Variants in GADL1 observed in about 807,000 individuals in gnomAD.
The protein encoded by GADL1 is acidic amino acid decarboxylase GADL1.
GADL1 carries 71 observed loss-of-function variants against 69.5 expected under a neutral mutation model. The observed-to-expected ratio is 1.02, with a 90% CI of 0.84 to 1.25. The LOEUF is 1.25. GADL1 is among the 50% of genes most tolerant of loss of function. GADL1 has a pLI of 0.00. For missense variants in GADL1, 737 were observed against 631.8 expected (o/e 1.17, Z -1.79); for synonymous variants, 254 against 214.4 (o/e 1.18, Z -1.62).
At chr3:30,745,968 G>GCTCCTC (rs1307162773) in intron 14 of GADL1, among the ~76,000 whole-genome samples, 1 of 101,100 alleles carries the variant, frequency 9.9e-6, no homozygotes, top group African/African-American at 3.9e-5. Flanking sequence ...CACCCCTCCT[G>GCTCCTC]CTCCTCCTCC....
chr3:30,758,709 TGACTCCATTCAAGAG>T (rs1696043250), intron 14 of GADL1, among the ~76,000 whole-genome samples: 1 of 152,256 alleles, frequency 6.6e-6, no homozygotes, highest in Non-Finnish European at 1.5e-5. Flanking sequence ...GTTTTCATGG[TGACTCCATTCAAGAG>T]GACTCCATTG....
chr3:30,754,383 C>T (rs1028652394), intron 14 of GADL1, among the ~76,000 whole-genome samples: 2 of 152,022 alleles, frequency 1.3e-5, no homozygotes, highest in African/African-American at 4.8e-5. Flanking sequence ...TATGTTGGGG[C>T]TACATTCTGA....
At chr3:30,738,842 G>T (rs1695575912) in intron 14 of GADL1, among the ~76,000 whole-genome samples, 1 of 152,162 alleles carries the variant, frequency 6.6e-6, no homozygotes. Context: ...AGAAGCACCT[G>T]AAATACACTC....
intron 14 of GADL1, among the ~76,000 whole-genome samples, chr3:30,766,488 CTA>C (rs1696281071): frequency 6.6e-6 from 1 of 152,194 alleles, no homozygotes; most frequent in African/African-American, 2.4e-5. Context: ...CCACTTAGCA[CTA>C]TGTGAAGTGG....
At chr3:30,752,917 C>CT (rs1431571594) in intron 14 of GADL1, among the ~76,000 whole-genome samples, 1 of 151,938 alleles carries the variant, frequency 6.6e-6, no homozygotes, top group Non-Finnish European at 1.5e-5. Flanking sequence ...GCTGGTAGGG[C>CT]TTCTGAATTC....
intron 1 of GADL1, among the ~76,000 whole-genome samples, chr3:30,873,881 AC>A (rs1170175384): frequency 6.6e-6 from 1 of 151,908 alleles, no homozygotes; most frequent in African/African-American, 2.4e-5. Flanking sequence ...ACATGTTGTA[AC>A]ATTCACATGT....
At chr3:30,816,788 C>T (rs1026941906) in intron 11 of GADL1, among the ~76,000 whole-genome samples, 4 of 151,794 alleles carry the variant, frequency 2.6e-5, no homozygotes, top group Non-Finnish European at 1.5e-5. Flanking sequence ...TCAGGTAATC[C>T]ACCTGCCTCA....
chr3:30,886,937 A>G (rs1318506325), intron 1 of GADL1, among the ~76,000 whole-genome samples: 1 of 152,232 alleles, frequency 6.6e-6, no homozygotes, highest in Non-Finnish European at 1.5e-5. Flanking sequence ...CAGCACGTAC[A>G]GAATGAGCCA....
intron 11 of GADL1, among the ~76,000 whole-genome samples, chr3:30,833,167 G>A (rs914695618): frequency 6.6e-6 from 1 of 152,042 alleles, no homozygotes; most frequent in Non-Finnish European, 1.5e-5. Context: ...GCATTTCTAA[G>A]AATGAAGTAG....
At chr3:30,848,611 T>C (rs1184130540) in intron 6 of GADL1, among the ~76,000 whole-genome samples, 1 of 151,990 alleles carries the variant, frequency 6.6e-6, no homozygotes, top group South Asian at 2.1e-4. Flanking sequence ...GATGAAGCAG[T>C]GGTAGAATAG....
At chr3:30,793,698 T>C (rs967147051) in intron 12 of GADL1, among the ~76,000 whole-genome samples, 1 of 152,226 alleles carries the variant, frequency 6.6e-6, no homozygotes, top group Non-Finnish European at 1.5e-5. Flanking sequence ...TCAGTTCTGA[T>C]TGGGTTATAT....
intron 1 of GADL1, among the ~76,000 whole-genome samples, chr3:30,876,301 T>C (rs545225817): frequency 2.0e-5 from 3 of 152,136 alleles, no homozygotes; most frequent in South Asian, 2.1e-4. Flanking sequence ...AAACCTATGA[T>C]TGTAACCCCT....
At chr3:30,764,143 G>T (rs1698952) in intron 14 of GADL1, among the ~76,000 whole-genome samples, 1 of 151,652 alleles carries the variant, frequency 6.6e-6, no homozygotes, top group Admixed American at 6.6e-5. Flanking sequence ...ATATATTAAC[G>T]CTTTACTGAA....
intron 14 of GADL1, among the ~76,000 whole-genome samples, chr3:30,771,232 G>C (rs1278371662): frequency 1.3e-5 from 2 of 152,192 alleles, no homozygotes; most frequent in African/African-American, 4.8e-5. Context: ...GCTGATTGCT[G>C]AAGCTGGCCA....
intron 11 of GADL1, among the ~76,000 whole-genome samples, chr3:30,823,790 G>A (rs9818847): frequency 0.19 from 28,478 of 151,844 alleles, 2,715 homozygotes; most frequent in East Asian, 0.31. Flanking sequence ...CAATAACCTA[G>A]AGATGACAGT....
At chr3:30,778,110 A>G in intron 14 of GADL1, 69 bp downstream of exon 14, 1 of 878,672 alleles carries the variant, frequency 1.1e-6, no homozygotes, top group Non-Finnish European at 1.9e-6. Flanking sequence ...TCTTATTTAT[A>G]GGATCAACAG....
intron 1 of GADL1, among the ~76,000 whole-genome samples, chr3:30,865,619 C>T (rs1320715723): frequency 6.6e-6 from 1 of 151,964 alleles, no homozygotes; most frequent in African/African-American, 2.4e-5. Flanking sequence ...ACATAGAACA[C>T]AGTTAATGGG....
chr3:30,805,734 C>CTTTTTTTTTTTTTTTTTTTTTT lies in GADL1; in HGVS notation c.1051-4668_1051-4647dup, dbSNP rs34788058. On this transcript the variant is annotated intron_variant, in intron 11 of 14. Transcript: ENST00000282538. ...ATTCTGTGCACCAGCAGTCCCCAGC[C>CTTTTTTTTTTTTTTTTTTTTTT]TTTTTTTTTTTTTTTTTTTTTTTTG... Among the ~76,000 whole-genome samples the CTTTTTTTTTTTTTTTTTTTTTT allele has an allele frequency of 8.6e-4, 57 of 66,086 alleles. 4 individuals carry two copies. Among genetic ancestry groups the CTTTTTTTTTTTTTTTTTTTTTT allele is most frequent in the East Asian group, 4.3e-3 (6 of 1,404 alleles). 43.4% of individuals were successfully genotyped at this position (66,086 alleles called of 152,430 possible).
chr3:30,834,113 G>T, intron 10 of GADL1, 104 bp downstream of exon 10: 1 of 1,076,006 alleles, frequency 9.3e-7, no homozygotes, highest in South Asian at 1.4e-5. Flanking sequence ...GTTTATTTAA[G>T]GAAAACAATT....
Sources: gnomAD v4.1 joint callset for allele counts (sites outside exome capture counted in the v4.1 genomes callset) on GRCh38, gnomAD v4.1.1 for gene constraint, MANE v1.5 for transcripts, NCBI Gene and HGNC (gene_info 2026-07-23, HGNC 2026-07-21) for gene names.